The following GPC5 variants were observed in gnomAD, a reference collection of about 807,000 sequenced individuals.
GPC5 encodes glypican-5.
In GPC5, 47 loss-of-function variants were observed where a neutral mutation model predicts 53.9. That is an observed-to-expected ratio of 0.87 (90% CI 0.69 to 1.11). The LOEUF is 1.11. GPC5 is among the 50% of genes most tolerant of loss of function. GPC5 has a pLI of 0.00. For synonymous variants in GPC5, 286 were observed against 263.3 expected (o/e 1.09, Z -0.84); for missense variants, 748 against 713.1 (o/e 1.05, Z -0.56).
chr13:92,525,448 G>GTGTGTGTA (rs1555286753), intron 7 of GPC5, among the ~76,000 whole-genome samples: 2 of 109,578 alleles, frequency 1.8e-5, no homozygotes, highest in African/African-American at 5.9e-5. Context: ...GTGTGTGTGT[G>GTGTGTGTA]TGTGTGTGTG....
chr13:91,924,075 C>A (rs1167634859), intron 6 of GPC5, among the ~76,000 whole-genome samples: 1 of 152,042 alleles, frequency 6.6e-6, no homozygotes, highest in Non-Finnish European at 1.5e-5. Context: ...TCTTAAGACA[C>A]TTAATAATTG....
intron 7 of GPC5, among the ~76,000 whole-genome samples, chr13:92,404,770 G>A (rs888702801): frequency 5.4e-5 from 8 of 149,304 alleles, no homozygotes; most frequent in East Asian, 3.9e-4. Context: ...CTAAACCAAC[G>A]TTTCCCCGAG....
At position 91,695,360 on chromosome 13, in the gene GPC5, C is replaced by CTTA. The variant is rs542220093; in HGVS notation, c.1020+1494_1020+1496dup. 3.4e-3 allele frequency among the ~76,000 whole-genome samples: 511 copies of CTTA among 151,952 alleles called. 6 individuals are homozygous for CTTA. Among genetic ancestry groups the CTTA allele is most frequent in the African/African-American group, 0.011 (474 of 41,458 alleles). ...ACTTAGATCCAGGGAACAAAATGCT[C>CTTA]TTATTATTATTATTATTTATTTATT... On this transcript the variant is annotated intron_variant, in intron 3 of 7. Coordinates refer to ENST00000377067, the MANE Select transcript of GPC5 (RefSeq NM_004466.6).
intron 7 of GPC5, chr13:92,706,181 T>C (rs1887945826): frequency 6.6e-6 from 1 of 152,124 alleles, no homozygotes. Flanking sequence ...TAATATCTCT[T>C]TTCCTTTATT....
At chr13:92,605,999 A>C (rs1884244133) in intron 7 of GPC5, among the ~76,000 whole-genome samples, 1 of 152,188 alleles carries the variant, frequency 6.6e-6, no homozygotes, top group African/African-American at 2.4e-5. Context: ...AAAATTTTCA[A>C]AGCTATTTTA....
chr13:92,286,117 C>T (rs77908844), intron 7 of GPC5, among the ~76,000 whole-genome samples: 13,006 of 152,160 alleles, frequency 0.085, 613 homozygotes, highest in Middle Eastern at 0.12. Flanking sequence ...TTTATGCAGC[C>T]AACAGACACG....
rs549811406 is a variant in GPC5, at chr13:91,832,943, A to G, written c.1281-74994A>G. On this transcript the variant is annotated intron_variant, in intron 5 of 7. Transcript: ENST00000377067. ...CACGAAAAACCCTTCAAAAAAATCA[A>G]TGAATCCAGGACCTGGTTTTTTGAA... Among the ~76,000 whole-genome samples the G allele has an allele frequency of 1.4e-4, 21 of 152,290 alleles. No individual in the cohort carries two copies. In the East Asian group the frequency reaches 1.5e-3, roughly 11 times the overall value.
Position 91,858,324 on chromosome 13 carries a change from A to T in GPC5, c.1281-49613A>T, listed in dbSNP as rs534182982. Among the ~76,000 whole-genome samples the T allele has an allele frequency of 7.9e-5, 12 of 151,918 alleles. No individual in the cohort carries two copies. The East Asian group carries it at 2.1e-3, about 27-fold the overall frequency. Reference sequence around the variant, plus strand: ...GGGTCTGTTCTATATGGCTTTTATTATGTTGAGGTATGTTCTTTCTATACA... The same window carrying T: ...GGGTCTGTTCTATATGGCTTTTATTTTGTTGAGGTATGTTCTTTCTATACA... On this transcript the variant is annotated intron_variant, in intron 5 of 7. Coordinates refer to ENST00000377067, the MANE Select transcript of GPC5 (RefSeq NM_004466.6).
intron 7 of GPC5, among the ~76,000 whole-genome samples, chr13:92,783,641 T>C (rs1016793287): frequency 2.0e-5 from 3 of 152,172 alleles, no homozygotes; most frequent in Non-Finnish European, 4.4e-5. Flanking sequence ...CCTGATATAA[T>C]TTCACAAAGG....
rs1219891458 is a variant in GPC5, at chr13:92,166,946, TCTCTCTCTCTCACACACACACACA to T, written c.1561+21959_1561+21982del. Among the ~76,000 whole-genome samples the T allele has an allele frequency of 2.0e-3, 140 of 69,148 alleles. No homozygotes were observed. The East Asian group carries it at 0.04, about 20-fold the overall frequency. The allele number at this position is 69,148 out of a possible 152,430, so 45.4% of individuals were successfully genotyped here. A position where few individuals can be genotyped will look rare whatever the true frequency, so the allele number is the denominator to read the frequency against. ...GTCTCTCTCTCTCTCTCTCTCTCTC[TCTCTCTCTCTCACACACACACACA>T]CACACACACACACACACACACACAC... On this transcript the variant is annotated intron_variant, in intron 7 of 7. Coordinates refer to ENST00000377067, the MANE Select transcript of GPC5 (RefSeq NM_004466.6).
chr13:92,213,867 T>C (rs2042392112), intron 7 of GPC5, among the ~76,000 whole-genome samples: 1 of 152,212 alleles, frequency 6.6e-6, no homozygotes, highest in African/African-American at 2.4e-5. Flanking sequence ...ATAAAGAGTA[T>C]TGTAAGATTC....
chr13:91,681,265 G>A (rs931346304), intron 2 of GPC5, among the ~76,000 whole-genome samples: 1 of 152,120 alleles, frequency 6.6e-6, no homozygotes, highest in African/African-American at 2.4e-5. Context: ...AGGATGCAGA[G>A]GAATGAGTGA....
chr13:91,698,653 A>G (rs1354008307), intron 3 of GPC5, among the ~76,000 whole-genome samples: 3 of 152,214 alleles, frequency 2.0e-5, no homozygotes, highest in Non-Finnish European at 2.9e-5. Context: ...TCAAAATCTC[A>G]GTCTCCAAAG....
chr13:92,583,830 C>T (rs914491363), intron 7 of GPC5, among the ~76,000 whole-genome samples: 19 of 152,080 alleles, frequency 1.2e-4, no homozygotes, highest in African/African-American at 4.3e-4. Flanking sequence ...ATCATGAGGG[C>T]AGGTCTTTCC....
chr13:92,671,873 G>C (rs866939258), intron 7 of GPC5, among the ~76,000 whole-genome samples: 2 of 152,134 alleles, frequency 1.3e-5, no homozygotes, highest in East Asian at 3.9e-4. Context: ...TGTGCAGGGT[G>C]GATTAGAAAT....
chr13:91,826,222 A>G (rs577853305), intron 5 of GPC5, among the ~76,000 whole-genome samples: 13 of 152,126 alleles, frequency 8.5e-5, no homozygotes, highest in Admixed American at 2.6e-4. Context: ...TAGCAGATAA[A>G]GACTTTAAAG....
chr13:92,523,880 C>T (rs1030286257), intron 7 of GPC5, among the ~76,000 whole-genome samples: 6 of 152,062 alleles, frequency 3.9e-5, no homozygotes, highest in South Asian at 2.1e-4. Context: ...ATTAAGTGTG[C>T]GATACCATTT....
intron 3 of GPC5, among the ~76,000 whole-genome samples, chr13:91,716,144 A>G (rs1473916291): frequency 6.6e-6 from 1 of 152,034 alleles, no homozygotes; most frequent in Admixed American, 6.6e-5. Context: ...TATGGATTTT[A>G]TAGTCGTTGA....
chr13:92,716,462 G>A (rs777689852), intron 7 of GPC5, among the ~76,000 whole-genome samples: 4 of 151,802 alleles, frequency 2.6e-5, no homozygotes, highest in Non-Finnish European at 4.4e-5. Context: ...CTCAGATACT[G>A]TTTTTATCCC....
Sources: gnomAD v4.1 joint callset for allele counts (sites outside exome capture counted in the v4.1 genomes callset) on GRCh38, gnomAD v4.1.1 for gene constraint, MANE v1.5 for transcripts, NCBI Gene and HGNC (gene_info 2026-07-23, HGNC 2026-07-21) for gene names.